Variants in CCSER1 observed in about 807,000 individuals in gnomAD.
CCSER1 encodes the protein serine-rich coiled-coil domain-containing protein 1.
A neutral mutation model predicts 82.0 loss-of-function variants in CCSER1; 41 were observed. The observed-to-expected ratio is 0.50, with a 90% CI of 0.39 to 0.65. CCSER1 has a LOEUF of 0.65. Ranked by LOEUF, CCSER1 falls within the 30% of genes least tolerant of loss-of-function variation. The pLI, the probability that CCSER1 is intolerant of heterozygous loss-of-function variation, is 0.00. For missense variants in CCSER1, 1,119 were observed against 1,064.2 expected (o/e 1.05, Z -0.72); for synonymous variants, 414 against 383.9 (o/e 1.08, Z -0.92).
intron 9 of CCSER1, among the ~76,000 whole-genome samples, chr4:90,965,288 C>T (rs1734451556): frequency 6.6e-6 from 1 of 152,044 alleles, no homozygotes; most frequent in South Asian, 2.1e-4. Flanking sequence ...TTTAAAAAGG[C>T]TTCTTATAAA....
chr4:90,134,170 T>G (rs142998737), intron 1 of CCSER1, among the ~76,000 whole-genome samples: 4 of 152,232 alleles, frequency 2.6e-5, no homozygotes, highest in African/African-American at 9.6e-5. Flanking sequence ...GGAAACCGAG[T>G]CTCTGTTCTA....
At chr4:91,119,410 C>T (rs542685053) in intron 10 of CCSER1, among the ~76,000 whole-genome samples, 3 of 151,738 alleles carry the variant, frequency 2.0e-5, no homozygotes, top group Non-Finnish European at 4.4e-5. Context: ...TACAGACAAA[C>T]CCCTGAGAAC....
intron 10 of CCSER1, among the ~76,000 whole-genome samples, chr4:91,577,047 C>A (rs1763483729): frequency 6.6e-6 from 1 of 151,968 alleles, no homozygotes; most frequent in Admixed American, 6.6e-5. Context: ...CTGCATGGAG[C>A]AAACCTTCCA....
At chr4:90,673,067 C>T (rs757697915) in intron 6 of CCSER1, among the ~76,000 whole-genome samples, 1 of 151,764 alleles carries the variant, frequency 6.6e-6, no homozygotes, top group Non-Finnish European at 1.5e-5. Context: ...GACACAGAAA[C>T]ACAAAAGTGA....
intron 10 of CCSER1, among the ~76,000 whole-genome samples, chr4:91,147,441 A>G (rs1729651232): frequency 6.6e-6 from 1 of 152,202 alleles, no homozygotes; most frequent in East Asian, 1.9e-4. Flanking sequence ...GTTGCTGGCT[A>G]ACACGCATAC....
chr4:90,470,782 C>CAA lies in CCSER1; in HGVS notation c.1724+2431_1724+2432dup, dbSNP rs1166283970. Among the ~76,000 whole-genome samples the CAA allele has an allele frequency of 1.7e-4, 19 of 113,336 alleles. 1 individual carries two copies. The highest frequency in any genetic ancestry group is 1.3e-3 in the East Asian group (5 of 3,878). The allele number at this position is 113,336 out of a possible 152,430, so 74.4% of individuals were successfully genotyped here. A position where few individuals can be genotyped will look rare whatever the true frequency, so the allele number is the denominator to read the frequency against. The stretch of plus-strand genomic sequence containing the variant: ...CAAAGCAAAAAAAAAAAAAAAAAAA[C>CAA]AAAACACCCAGATTTGAGTGTCATT... On this transcript the variant is annotated intron_variant, in intron 5 of 10. Transcript: ENST00000509176.
At chr4:91,305,338 T>C (rs1414982933) in intron 10 of CCSER1, among the ~76,000 whole-genome samples, 2 of 152,066 alleles carry the variant, frequency 1.3e-5, no homozygotes, top group Non-Finnish European at 2.9e-5. Flanking sequence ...ATGGGATCCA[T>C]TTGGTATGCA....
chr4:90,278,622 A>G (rs926509847), intron 1 of CCSER1, among the ~76,000 whole-genome samples: 10 of 152,120 alleles, frequency 6.6e-5, no homozygotes, highest in African/African-American at 2.2e-4. Flanking sequence ...AGAGTTTAAC[A>G]TTGGGCACAC....
intron 1 of CCSER1, among the ~76,000 whole-genome samples, chr4:90,138,248 G>C (rs947723467): frequency 6.6e-6 from 1 of 152,080 alleles, no homozygotes; most frequent in African/African-American, 2.4e-5. Context: ...CCAGAGTGCA[G>C]TGGCACAGTC....
intron 8 of CCSER1, among the ~76,000 whole-genome samples, chr4:90,851,719 T>A (rs1763914600): frequency 6.6e-6 from 1 of 152,148 alleles, no homozygotes; most frequent in South Asian, 2.1e-4. Context: ...TTAAACAGTA[T>A]GTTTCTAGAT....
intron 6 of CCSER1, among the ~76,000 whole-genome samples, chr4:90,673,909 C>A (rs1396418536): frequency 1.3e-5 from 2 of 151,974 alleles, no homozygotes; most frequent in Non-Finnish European, 2.9e-5. Context: ...TCTATGTTAA[C>A]TAATTGGTGT....
intron 8 of CCSER1, chr4:90,838,997 T>C (rs1464436750): frequency 3.1e-6 from 5 of 1,612,706 alleles, no homozygotes; most frequent in African/African-American, 1.3e-5. Flanking sequence ...TTTCGGCTTA[T>C]CGAATTTCTC....
intron 10 of CCSER1, among the ~76,000 whole-genome samples, chr4:91,421,436 C>A (rs1213719814): frequency 1.3e-5 from 2 of 152,136 alleles, no homozygotes; most frequent in Admixed American, 1.3e-4. Context: ...GTATGTGTAA[C>A]TCTGATATCC....
intron 8 of CCSER1, among the ~76,000 whole-genome samples, chr4:90,876,900 G>A (rs1246154811): frequency 6.6e-6 from 1 of 152,018 alleles, no homozygotes; most frequent in Non-Finnish European, 1.5e-5. Flanking sequence ...TTTTGTCTCA[G>A]AGTTATTTTA....
At chr4:90,162,563 C>T (rs558004771) in intron 1 of CCSER1, among the ~76,000 whole-genome samples, 13 of 151,686 alleles carry the variant, frequency 8.6e-5, no homozygotes, top group East Asian at 7.8e-4. Flanking sequence ...TTTAAATGAG[C>T]GTAGCAGTAT....
At chr4:91,022,606 A>C (rs529744071) in intron 9 of CCSER1, among the ~76,000 whole-genome samples, 36 of 152,310 alleles carry the variant, frequency 2.4e-4, no homozygotes, top group Non-Finnish European at 4.3e-4. Flanking sequence ...CAATGGTTGA[A>C]CTAGTTTACA....
chr4:90,322,831 AC>A (rs1192028075), intron 3 of CCSER1, among the ~76,000 whole-genome samples: 1 of 152,186 alleles, frequency 6.6e-6, no homozygotes, highest in Admixed American at 6.5e-5. Context: ...TAATGTAAGT[AC>A]TTCCATTGCC....
chr4:91,580,091 T>C (rs550940025), intron 10 of CCSER1, among the ~76,000 whole-genome samples: 10 of 151,960 alleles, frequency 6.6e-5, no homozygotes, highest in African/African-American at 1.7e-4. Context: ...AGCTTAAGGA[T>C]AGAAATGATT....
At chr4:91,020,594 G>A (rs1246923509) in intron 9 of CCSER1, among the ~76,000 whole-genome samples, 2 of 152,038 alleles carry the variant, frequency 1.3e-5, no homozygotes, top group Non-Finnish European at 2.9e-5. Context: ...CCCAGAAGGC[G>A]GGGCTTGCAG....
Sources: gnomAD v4.1 joint callset for allele counts (sites outside exome capture counted in the v4.1 genomes callset) on GRCh38, gnomAD v4.1.1 for gene constraint, MANE v1.5 for transcripts, NCBI Gene and HGNC (gene_info 2026-07-23, HGNC 2026-07-21) for gene names.